The following MICU3 variants were observed in gnomAD, a reference collection of about 807,000 sequenced individuals.
The protein encoded by MICU3 is mitochondrial calcium uptake 3, also known as calcium uptake protein 3, mitochondrial.
Under a neutral mutation model 66.5 loss-of-function variants are expected in MICU3, and 62 were observed. The ratio of observed to expected loss-of-function variants is 0.93; its 90% CI spans 0.76 to 1.15. The LOEUF is 1.15. Ranked by LOEUF, MICU3 falls within the 50% of genes most tolerant of loss-of-function variation. The probability of loss-of-function intolerance (pLI) is 0.00; values close to 1 mark genes in which losing one functional copy is unlikely to be tolerated. For missense variants in MICU3, 779 were observed against 664.4 expected (o/e 1.17, Z -1.90); for synonymous variants, 308 against 240.7 (o/e 1.28, Z -2.59).
chr8:17,110,795 T>A (rs371714999), intron 11 of MICU3, among the ~76,000 whole-genome samples: 31 of 152,068 alleles, frequency 2.0e-4, no homozygotes, highest in African/African-American at 7.0e-4. Context: ...TAGACTTGTC[T>A]CAAACTCCTG....
At chr8:17,070,196 A>G (rs963595813) in intron 3 of MICU3, among the ~76,000 whole-genome samples, 1 of 152,096 alleles carries the variant, frequency 6.6e-6, no homozygotes, top group South Asian at 2.1e-4. Context: ...GAGGTTCACA[A>G]GAATGTTTAT....
chr8:17,130,710 C>T, the MICU3 span, among the ~76,000 whole-genome samples: 20 of 152,038 alleles, frequency 1.3e-4, no homozygotes, highest in East Asian at 3.9e-4. Context: ...CCCATAGAAC[C>T]GTAAGTGAGT....
At chr8:17,029,292 A>G (rs1811592474) in intron 1 of MICU3, among the ~76,000 whole-genome samples, 1 of 152,236 alleles carries the variant, frequency 6.6e-6, no homozygotes, top group Non-Finnish European at 1.5e-5. Context: ...CCTGGCCAAC[A>G]TGGCGAAACC....
At chr8:17,027,881 G>T (rs1811293628) in intron 1 of MICU3, among the ~76,000 whole-genome samples, 1 of 152,136 alleles carries the variant, frequency 6.6e-6, no homozygotes, top group South Asian at 2.1e-4. Flanking sequence ...CCTTAAAGGT[G>T]GCTGCAGCTA....
At position 17,103,474 on chromosome 8, in the gene MICU3, T is replaced by G. The variant is rs1482685308; in HGVS notation, c.985-917T>G. 2.0e-5 allele frequency among the ~76,000 whole-genome samples: 3 copies of G among 151,996 alleles called. No homozygotes were observed. The East Asian group carries it at 5.8e-4, about 29-fold the overall frequency. ...GAATAAAAAATAGGATTATTTAAAC[T>G]CTTTTTTCACATTTCCTAGGATGAT... On this transcript the variant is annotated intron_variant, in intron 9 of 14. Transcript: ENST00000318063.
intron 4 of MICU3, among the ~76,000 whole-genome samples, chr8:17,078,176 A>G (rs1028695164): frequency 2.6e-5 from 4 of 152,004 alleles, no homozygotes; most frequent in African/African-American, 7.2e-5. Context: ...AGTATATTTT[A>G]TATTTACCCA....
At position 17,121,474 on chromosome 8, in the gene MICU3, T is replaced by C. The variant is rs1482921951; in HGVS notation, c.*1187T>C. The C allele has an allele frequency of 6.6e-6, 1 of 152,006 alleles. No homozygotes were observed. Among genetic ancestry groups the C allele is most frequent in the Non-Finnish European group, 1.5e-5 (1 of 67,766 alleles). The allele number at this position is 152,006 out of a possible 1,614,324, so 9.4% of individuals were successfully genotyped here. A position where few individuals can be genotyped will look rare whatever the true frequency, so the allele number is the denominator to read the frequency against. ...TCTGTTCAATTAAAAATGCTTAGTT[T>C]ATACAAAGATACTACACAAAAATAG... On this transcript the variant is annotated 3_prime_UTR_variant, in exon 15 of 15. Coordinates refer to ENST00000318063, the MANE Select transcript of MICU3 (RefSeq NM_181723.3).
intron 1 of MICU3, among the ~76,000 whole-genome samples, chr8:17,039,695 G>A (rs1237632256): frequency 6.6e-6 from 1 of 151,994 alleles, no homozygotes; most frequent in Non-Finnish European, 1.5e-5. Context: ...GATTGAATAT[G>A]TAATTTATCT....
At chr8:17,105,263 T>G (rs954920776) in intron 10 of MICU3, 150 bp from the exon 11 acceptor site, 32 of 534,538 alleles carry the variant, frequency 6.0e-5, no homozygotes, top group Non-Finnish European at 1.0e-4. Flanking sequence ...TTCTTTTCAT[T>G]CTCATTTACA....
At chr8:17,044,587 A>G (rs1467333491) in intron 1 of MICU3, among the ~76,000 whole-genome samples, 1 of 152,242 alleles carries the variant, frequency 6.6e-6, no homozygotes. Flanking sequence ...TCACAGTACT[A>G]CATCCTAGTC....
At chr8:17,104,761 C>T (rs1801593776) in intron 10 of MICU3, among the ~76,000 whole-genome samples, 1 of 35,398 alleles carries the variant, frequency 2.8e-5, no homozygotes, top group East Asian at 5.5e-4. Context: ...TTTGGGAGGC[C>T]GAGGCGGGCG....
intron 9 of MICU3, among the ~76,000 whole-genome samples, chr8:17,099,844 A>G (rs752545129): frequency 6.6e-6 from 1 of 151,756 alleles, no homozygotes; most frequent in Non-Finnish European, 1.5e-5. Context: ...TCCCCATACT[A>G]GAGTATCCAC....
the MICU3 span, among the ~76,000 whole-genome samples, chr8:17,135,115 A>T: frequency 6.6e-6 from 1 of 152,066 alleles, no homozygotes. Flanking sequence ...AAGAATGGAC[A>T]TTTGGCCAGG....
At chr8:17,074,253 T>C (rs1455373411) in intron 3 of MICU3, among the ~76,000 whole-genome samples, 2 of 151,928 alleles carry the variant, frequency 1.3e-5, no homozygotes, top group East Asian at 1.9e-4. Flanking sequence ...ATGGAATGTG[T>C]GTTTGTGTTT....
At chr8:17,081,768 G>T in intron 5 of MICU3, 28 bp downstream of exon 5, 1 of 885,444 alleles carries the variant, frequency 1.1e-6, no homozygotes. Context: ...TTTTATTTCT[G>T]GATGCAGCTT....
intron 1 of MICU3, among the ~76,000 whole-genome samples, chr8:17,034,080 T>C (rs890381481): frequency 1.3e-5 from 2 of 152,184 alleles, no homozygotes; most frequent in African/African-American, 4.8e-5. Flanking sequence ...TAGGGGCTAA[T>C]GCAGCTGGTG....
chr8:17,110,582 G>T (rs1025186521), intron 11 of MICU3, among the ~76,000 whole-genome samples: 4 of 151,988 alleles, frequency 2.6e-5, no homozygotes, highest in African/African-American at 7.3e-5. Context: ...TTTCTTTTAA[G>T]AAATGGGGTC....
downstream of MICU3, among the ~76,000 whole-genome samples, chr8:17,126,272 C>T (rs1803404202): frequency 6.6e-6 from 1 of 151,982 alleles, no homozygotes; most frequent in Non-Finnish European, 1.5e-5. Flanking sequence ...AAGGTGTCTC[C>T]GTATTGCAGG....
intron 3 of MICU3, among the ~76,000 whole-genome samples, chr8:17,075,744 G>C (rs1055900410): frequency 2.6e-5 from 4 of 152,106 alleles, no homozygotes; most frequent in African/African-American, 9.7e-5. Context: ...GTGACCTTGG[G>C]TGTTACTTAT....
Sources: allele counts gnomAD v4.1 joint callset (sites outside exome capture counted in the v4.1 genomes callset), GRCh38; gene constraint gnomAD v4.1.1; transcripts MANE v1.5; gene names NCBI Gene and HGNC (gene_info 2026-07-23, HGNC 2026-07-21).